Variants in ADARB2 observed in about 807,000 individuals in gnomAD.
ADARB2 encodes inactive double-stranded RNA-specific editase B2.
A neutral mutation model predicts 62.2 loss-of-function variants in ADARB2; 25 were observed. That is an observed-to-expected ratio of 0.40 (90% confidence interval 0.29 to 0.56). The LOEUF is 0.56. ADARB2 is among the 20% of genes least tolerant of loss of function. The pLI, the probability that ADARB2 is intolerant of heterozygous loss-of-function variation, is 0.43. For synonymous variants in ADARB2, 572 were observed against 500.8 expected (o/e 1.14, Z -1.90); for missense variants, 1,071 against 1,077.4 (o/e 0.99, Z 0.08).
chr10:1,508,847 T>C (rs1420658515), intron 1 of ADARB2, among the ~76,000 whole-genome samples: 1 of 152,122 alleles, frequency 6.6e-6, no homozygotes, highest in Admixed American at 6.5e-5. Context: ...CAACCTTGAT[T>C]TTAGTAGACA....
intron 1 of ADARB2, among the ~76,000 whole-genome samples, chr10:1,411,583 G>A (rs747251398): frequency 6.6e-5 from 10 of 152,214 alleles, no homozygotes; most frequent in Admixed American, 5.9e-4. Context: ...TCACTAAAGC[G>A]ACAGGCACCA....
intron 3 of ADARB2, among the ~76,000 whole-genome samples, chr10:1,326,708 G>C (rs1033886508): frequency 6.9e-6 from 1 of 144,706 alleles, no homozygotes; most frequent in African/African-American, 2.6e-5. Flanking sequence ...TCACAGCTCA[G>C]CGTCTCCTCA....
chr10:1,462,890 A>G (rs997594971), intron 1 of ADARB2, among the ~76,000 whole-genome samples: 12 of 152,200 alleles, frequency 7.9e-5, no homozygotes, highest in Non-Finnish European at 1.5e-5. Context: ...GAGTGTAGGC[A>G]TAGGCATTTA....
At chr10:1,210,560 C>T (rs948438565) in intron 7 of ADARB2, among the ~76,000 whole-genome samples, 1 of 152,246 alleles carries the variant, frequency 6.6e-6, no homozygotes, top group Non-Finnish European at 1.5e-5. Context: ...GCTTCGCCTC[C>T]ATAAAGTCGT....
At chr10:1,361,244 C>T (rs990688580) in intron 3 of ADARB2, 2 of 151,568 alleles carry the variant, frequency 1.3e-5, no homozygotes. Flanking sequence ...AGGACGGTCA[C>T]TGGCAAGTTT....
chr10:1,400,849 T>G (rs1351451767), intron 1 of ADARB2, among the ~76,000 whole-genome samples: 3 of 152,052 alleles, frequency 2.0e-5, no homozygotes, highest in African/African-American at 7.2e-5. Context: ...GGCTTTGGAG[T>G]TGGAGCCCTG....
At chr10:1,683,876 T>G (rs542042123) in intron 1 of ADARB2, among the ~76,000 whole-genome samples, 48 of 152,320 alleles carry the variant, frequency 3.2e-4, no homozygotes, top group African/African-American at 1.2e-3. Flanking sequence ...AGGGGTGGAC[T>G]CTGTAAACGG....
At chr10:1,243,216 C>G (rs2131777786) in intron 4 of ADARB2, among the ~76,000 whole-genome samples, 1 of 152,370 alleles carries the variant, frequency 6.6e-6, no homozygotes, top group East Asian at 1.9e-4. Context: ...GCCCAGGAGC[C>G]TTGGGATGTG....
rs1836680350 is a variant in ADARB2 at position 1,181,942 on chromosome 10, G to A, written c.*1251C>T. The A allele has an allele frequency of 6.6e-6, 1 of 152,246 alleles. No homozygotes were observed. Among genetic ancestry groups the A allele is most frequent in the Non-Finnish European group, 1.5e-5 (1 of 68,050 alleles). 9.4% of individuals were successfully genotyped at this position (152,246 alleles called of 1,614,324 possible). ...ATACAGCGCCTTGGCTCTCAGGGAT[G>A]ATGCTGTGGGCTAAAGCCCCCATGT... On this transcript the variant is annotated 3_prime_UTR_variant, in exon 10 of 10. Transcript: ENST00000381312.
At chr10:1,596,173 T>C (rs1244223959) in intron 1 of ADARB2, among the ~76,000 whole-genome samples, 2 of 152,238 alleles carry the variant, frequency 1.3e-5, no homozygotes, top group African/African-American at 4.8e-5. Context: ...TAAGAACTCA[T>C]ATTCAAAAAT....
intron 7 of ADARB2, among the ~76,000 whole-genome samples, chr10:1,204,630 C>G (rs958714347): frequency 1.3e-4 from 20 of 152,246 alleles, no homozygotes; most frequent in Middle Eastern, 3.2e-3. Flanking sequence ...CGGCCTCACC[C>G]GTCACATTGT....
intron 1 of ADARB2, among the ~76,000 whole-genome samples, chr10:1,443,160 A>G (rs1051231192): frequency 4.6e-5 from 7 of 152,322 alleles, no homozygotes; most frequent in Non-Finnish European, 8.8e-5. Flanking sequence ...TTTTTCCTCT[A>G]AGTAGGCATA....
chr10:1,518,215 G>A (rs1349428961), intron 1 of ADARB2, among the ~76,000 whole-genome samples: 1 of 152,182 alleles, frequency 6.6e-6, no homozygotes, highest in Non-Finnish European at 1.5e-5. Flanking sequence ...TTCGGTCTCA[G>A]CCCTCTAAGT....
chr10:1,433,188 AAG>A, intron 1 of ADARB2, among the ~76,000 whole-genome samples: 1 of 152,190 alleles, frequency 6.6e-6, no homozygotes, highest in Non-Finnish European at 1.5e-5. Flanking sequence ...AAGCTTGAGA[AAG>A]AACACGGTGG....
At chr10:1,358,582 C>A (rs796703662) in intron 3 of ADARB2, among the ~76,000 whole-genome samples, 21 of 152,296 alleles carry the variant, frequency 1.4e-4, no homozygotes, top group African/African-American at 4.1e-4. Flanking sequence ...ATATAAAGAA[C>A]TTCTCACTGG....
chr10:1,662,449 G>A (rs967442939), intron 1 of ADARB2, among the ~76,000 whole-genome samples: 1 of 152,200 alleles, frequency 6.6e-6, no homozygotes, highest in East Asian at 1.9e-4. Flanking sequence ...TGACCTGCCT[G>A]CTCTTGGTTC....
intron 7 of ADARB2, among the ~76,000 whole-genome samples, chr10:1,212,403 T>C (rs1837166629): frequency 6.6e-6 from 1 of 152,196 alleles, no homozygotes; most frequent in Non-Finnish European, 1.5e-5. Flanking sequence ...TGGTCTATGC[T>C]CAGGTCTGAT....
chr10:1,721,206 A>C (rs781543653), intron 1 of ADARB2, among the ~76,000 whole-genome samples: 35 of 152,366 alleles, frequency 2.3e-4, no homozygotes, highest in Non-Finnish European at 4.7e-4. Context: ...ATTCATCATC[A>C]TCAAAATTAT....
chr10:1,205,611 C>A (rs1022671820), intron 7 of ADARB2, among the ~76,000 whole-genome samples: 2 of 152,264 alleles, frequency 1.3e-5, no homozygotes, highest in African/African-American at 4.8e-5. Context: ...ATCCTCACCT[C>A]CCAGAGTGCT....
Sources: gnomAD v4.1 joint callset for allele counts (sites outside exome capture counted in the v4.1 genomes callset) on GRCh38, gnomAD v4.1.1 for gene constraint, MANE v1.5 for transcripts, NCBI Gene and HGNC (gene_info 2026-07-23, HGNC 2026-07-21) for gene names.